Variants in KCNMB2 observed in about 807,000 individuals in gnomAD.
KCNMB2 encodes potassium calcium-activated channel subfamily M regulatory beta subunit 2.
A neutral mutation model predicts 24.5 loss-of-function variants in KCNMB2; 9 were observed. The observed-to-expected ratio is 0.37, with a 90% CI of 0.22 to 0.64. The LOEUF is 0.64. Ranked by LOEUF, KCNMB2 falls within the 30% of genes least tolerant of loss-of-function variation. The pLI is 0.63. For missense variants in KCNMB2, 226 were observed against 284.3 expected (o/e 0.79, Z 1.47); for synonymous variants, 109 against 104.4 (o/e 1.04, Z -0.27).
At chr3:178,588,623 A>G (rs543534433) in intron 1 of KCNMB2, among the ~76,000 whole-genome samples, 1 of 152,184 alleles carries the variant, frequency 6.6e-6, no homozygotes, top group South Asian at 2.1e-4. Context: ...TTTAATTTTT[A>G]TCTATATTCA....
intron 1 of KCNMB2, among the ~76,000 whole-genome samples, chr3:178,687,190 A>T (rs1721500602): frequency 6.6e-6 from 1 of 152,126 alleles, no homozygotes; most frequent in African/African-American, 2.4e-5. Context: ...TGCAGCCATG[A>T]CATTTTCCAA....
intron 1 of KCNMB2, among the ~76,000 whole-genome samples, chr3:178,776,311 G>A (rs1353701245): frequency 6.6e-6 from 1 of 152,038 alleles, no homozygotes; most frequent in African/African-American, 2.4e-5. Flanking sequence ...ACTCTCTTTA[G>A]TCTAATCAGT....
intron 1 of KCNMB2, among the ~76,000 whole-genome samples, chr3:178,702,474 A>T (rs1230669909): frequency 6.6e-6 from 1 of 151,592 alleles, no homozygotes; most frequent in Non-Finnish European, 1.5e-5. Context: ...ACATAAAAAT[A>T]AATAAATAAA....
Position 178,832,996 on chromosome 3 carries a change from T to C in KCNMB2, c.423+4623T>C, listed in dbSNP as rs1221883050. Among the ~76,000 whole-genome samples the C allele has an allele frequency of 6.9e-5, 2 of 29,150 alleles. 1 individual carries two copies. Among genetic ancestry groups the C allele is most frequent in the Non-Finnish European group, 1.3e-4 (2 of 15,350 alleles). 19.1% of individuals were successfully genotyped at this position (29,150 alleles called of 152,430 possible). ...GGTTTCTGATATTATATTTGCAAAA[T>C]TTTTATAAAAAATAACTTCAATACT... On this transcript the variant is annotated intron_variant, in intron 4 of 4. Transcript: ENST00000452583.
intron 1 of KCNMB2, among the ~76,000 whole-genome samples, chr3:178,621,958 G>A (rs1577055112): frequency 6.6e-6 from 1 of 152,116 alleles, no homozygotes. Context: ...TTATGATCTT[G>A]CCTTTGCCAC....
Position 178,643,880 on chromosome 3 carries a change from A to G in KCNMB2, c.-68+107169A>G, listed in dbSNP as rs996622471. On this transcript the variant is annotated intron_variant, in intron 1 of 4. Coordinates refer to ENST00000452583, the MANE Select transcript of KCNMB2 (RefSeq NM_181361.3). ...GAACGCCAACTCTGTCTTCAATATC[A>G]TCATCCCTCAAGAGCTTAGACCTTG... 1.1e-4 allele frequency among the ~76,000 whole-genome samples: 16 copies of G among 152,262 alleles called. No individual in the cohort carries two copies. In the East Asian group the frequency reaches 3.1e-3, roughly 29 times the overall value.
chr3:178,539,091 G>C (rs1396270049), intron 1 of KCNMB2, among the ~76,000 whole-genome samples: 2 of 152,076 alleles, frequency 1.3e-5, no homozygotes, highest in African/African-American at 4.8e-5. Context: ...AGAATCCAGA[G>C]TTGTCCTTGT....
At chr3:178,828,071 T>C in intron 3 of KCNMB2, 107 bp from the exon 4 acceptor site, 2 of 871,686 alleles carry the variant, frequency 2.3e-6, no homozygotes, top group Non-Finnish European at 3.6e-6. Context: ...ATTAGAGATT[T>C]AGAAAAGATT....
At chr3:178,674,540 A>G (rs1038358041) in intron 1 of KCNMB2, among the ~76,000 whole-genome samples, 2 of 152,176 alleles carry the variant, frequency 1.3e-5, no homozygotes, top group Admixed American at 1.3e-4. Context: ...TAGATCCAGA[A>G]TCTGACACCA....
chr3:178,707,674 G>T (rs950592828), intron 1 of KCNMB2, among the ~76,000 whole-genome samples: 2 of 151,966 alleles, frequency 1.3e-5, no homozygotes. Flanking sequence ...TTTTAAAGGC[G>T]ATGCTAATAT....
chr3:178,605,164 G>A (rs944958460), intron 1 of KCNMB2, among the ~76,000 whole-genome samples: 1 of 152,100 alleles, frequency 6.6e-6, no homozygotes, highest in Non-Finnish European at 1.5e-5. Context: ...TTGGTGATTA[G>A]GTTGTGAGGA....
intron 1 of KCNMB2, among the ~76,000 whole-genome samples, chr3:178,774,573 T>C (rs73051681): frequency 0.024 from 3,661 of 152,248 alleles, 154 homozygotes; most frequent in African/African-American, 0.083. Context: ...TACTCTCATT[T>C]ATATTCCAGA....
chr3:178,747,539 C>T (rs550131450), intron 1 of KCNMB2, among the ~76,000 whole-genome samples: 12 of 152,288 alleles, frequency 7.9e-5, no homozygotes, highest in African/African-American at 2.9e-4. Flanking sequence ...TTACTATTAT[C>T]TTCATTTTAC....
chr3:178,552,924 T>C (rs909847606), intron 1 of KCNMB2, among the ~76,000 whole-genome samples: 1 of 152,186 alleles, frequency 6.6e-6, no homozygotes, highest in African/African-American at 2.4e-5. Flanking sequence ...CAGAGTTTGA[T>C]GTTACTCGTG....
chr3:178,582,011 G>T (rs183041238), intron 1 of KCNMB2, among the ~76,000 whole-genome samples: 9 of 152,250 alleles, frequency 5.9e-5, no homozygotes, highest in Admixed American at 2.6e-4. Flanking sequence ...CCATTACTGG[G>T]TATATATCCA....
chr3:178,654,689 T>C (rs777524269), intron 1 of KCNMB2, among the ~76,000 whole-genome samples: 11 of 152,226 alleles, frequency 7.2e-5, no homozygotes, highest in Non-Finnish European at 1.3e-4. Context: ...TTTTGGTTTT[T>C]GTTTTTTAAG....
At chr3:178,618,454 G>A (rs1032938083) in intron 1 of KCNMB2, among the ~76,000 whole-genome samples, 7 of 152,112 alleles carry the variant, frequency 4.6e-5, no homozygotes, top group Non-Finnish European at 7.4e-5. Context: ...TATTTCAACA[G>A]AAAGAAAGAC....
chr3:178,686,653 TC>T (rs1721481792), intron 1 of KCNMB2, among the ~76,000 whole-genome samples: 2 of 152,148 alleles, frequency 1.3e-5, no homozygotes, highest in African/African-American at 4.8e-5. Context: ...ATGTCCTAAA[TC>T]CCATCAAGTA....
intron 4 of KCNMB2, among the ~76,000 whole-genome samples, chr3:178,836,703 C>A (rs1223101510): frequency 7.2e-5 from 11 of 151,864 alleles, no homozygotes; most frequent in Admixed American, 7.2e-4. Flanking sequence ...TTTATCAGTA[C>A]TAAAATATAT....
Sources: allele counts gnomAD v4.1 joint callset (sites outside exome capture counted in the v4.1 genomes callset), GRCh38; gene constraint gnomAD v4.1.1; transcripts MANE v1.5; gene names NCBI Gene and HGNC (gene_info 2026-07-23, HGNC 2026-07-21).